Variants in MCUB observed in about 807,000 individuals in gnomAD.
MCUB encodes the protein mitochondrial calcium uniporter dominant negative subunit beta.
Under a neutral mutation model 41.4 loss-of-function variants are expected in MCUB, and 46 were observed. The observed-to-expected ratio is 1.11, with a 90% CI of 0.88 to 1.42. The LOEUF (loss-of-function observed/expected upper bound fraction) is 1.42. MCUB is among the 40% of genes most tolerant of loss of function. MCUB has a pLI of 0.00. For synonymous variants in MCUB, 148 were observed against 148.2 expected (o/e 1.00, Z 0.01); for missense variants, 403 against 404.9 (o/e 1.00, Z 0.04).
chr4:109,578,493 CTT>C (rs113130648), intron 1 of MCUB, among the ~76,000 whole-genome samples: 2 of 145,160 alleles, frequency 1.4e-5, no homozygotes, highest in Non-Finnish European at 1.5e-5. Context: ...GAATCTCATA[CTT>C]TTTTTTTTTT....
intron 1 of MCUB, among the ~76,000 whole-genome samples, chr4:109,566,476 AAAAAAAT>A (rs1465735219): frequency 1.3e-5 from 2 of 149,164 alleles, no homozygotes; most frequent in Non-Finnish European, 3.0e-5. Flanking sequence ...TCTCAAAAAA[AAAAAAAT>A]AAATAAATAA....
At chr4:109,675,324 G>A (rs1027203432) in intron 4 of MCUB, among the ~76,000 whole-genome samples, 2 of 152,136 alleles carry the variant, frequency 1.3e-5, no homozygotes, top group South Asian at 2.1e-4. Flanking sequence ...CAGGTTCCTC[G>A]GAACCCTCTT....
At chr4:109,682,503 A>C in intron 4 of MCUB, 79 bp from the exon 5 acceptor site, 4 of 1,136,738 alleles carry the variant, frequency 3.5e-6, no homozygotes, top group Non-Finnish European at 5.1e-6. Context: ...ATTTGGAAAG[A>C]GAATTGGGGA....
intron 1 of MCUB, among the ~76,000 whole-genome samples, chr4:109,635,296 A>T (rs1164358421): frequency 1.3e-5 from 2 of 152,180 alleles, no homozygotes; most frequent in Non-Finnish European, 2.9e-5. Flanking sequence ...AGAATGATTT[A>T]TAATCCTTTG....
chr4:109,639,574 C>A (rs184424267), intron 1 of MCUB, among the ~76,000 whole-genome samples: 11 of 152,232 alleles, frequency 7.2e-5, no homozygotes, highest in Admixed American at 4.6e-4. Context: ...TGTAATCCAG[C>A]TACTCAGGAG....
intron 1 of MCUB, among the ~76,000 whole-genome samples, chr4:109,646,001 C>T (rs1317947465): frequency 6.6e-6 from 1 of 152,092 alleles, no homozygotes; most frequent in Non-Finnish European, 1.5e-5. Context: ...AAGAAAGTCG[C>T]AAACCCTCCA....
intron 1 of MCUB, among the ~76,000 whole-genome samples, chr4:109,632,774 C>G (rs1331535517): frequency 6.6e-6 from 1 of 152,116 alleles, no homozygotes; most frequent in East Asian, 1.9e-4. Context: ...ACCACCATGC[C>G]TGGCTTATTT....
intron 4 of MCUB, among the ~76,000 whole-genome samples, chr4:109,678,089 C>T (rs1440765947): frequency 6.6e-6 from 1 of 151,858 alleles, no homozygotes; most frequent in African/African-American, 2.4e-5. Context: ...ATCCATTTAA[C>T]CCTGAGTTGA....
In MCUB at chr4:109,655,627, TCTTTTG is replaced by T. The variant is rs1432269194; in HGVS notation, c.100-3382_100-3377del. On this transcript the variant is annotated intron_variant, in intron 1 of 7. Coordinates refer to ENST00000394650, the MANE Select transcript of MCUB (RefSeq NM_017918.5). ...CATGGTTAAAGAGAAGCCCAAATCA[TCTTTTG>T]CCCTGATAGCAAATTCCATTTAAAG... Among the ~76,000 whole-genome samples the T allele has an allele frequency of 2.0e-5, 3 of 152,242 alleles. No homozygotes were observed. In the South Asian group the frequency reaches 6.2e-4, roughly 32 times the overall value.
intron 1 of MCUB, among the ~76,000 whole-genome samples, chr4:109,626,962 C>T (rs1237125622): frequency 6.6e-6 from 1 of 151,434 alleles, no homozygotes; most frequent in Non-Finnish European, 1.5e-5. Context: ...TAGGACAAAA[C>T]AAATTTTATT....
chr4:109,624,843 G>A (rs1395657648), intron 1 of MCUB, among the ~76,000 whole-genome samples: 1 of 152,112 alleles, frequency 6.6e-6, no homozygotes, highest in African/African-American at 2.4e-5. Flanking sequence ...AAACTGTATA[G>A]TCCAAACCTG....
At chr4:109,653,501 C>T (rs1729010289) in intron 1 of MCUB, among the ~76,000 whole-genome samples, 1 of 152,094 alleles carries the variant, frequency 6.6e-6, no homozygotes, top group South Asian at 2.1e-4. Context: ...TATGTCTTTC[C>T]GTGTTGCACC....
chr4:109,662,435 G>C (rs1219911064), intron 3 of MCUB, among the ~76,000 whole-genome samples: 3 of 152,216 alleles, frequency 2.0e-5, no homozygotes, highest in Non-Finnish European at 1.5e-5. Flanking sequence ...AATGAAATAA[G>C]AGAGGTTAAA....
At position 109,569,535 on chromosome 4, in the gene MCUB, A is replaced by T. The variant is rs569678931; in HGVS notation, c.99+9099A>T. Among the ~76,000 whole-genome samples the T allele has an allele frequency of 1.2e-4, 12 of 97,314 alleles. No individual in the cohort carries two copies. The East Asian group carries it at 3.2e-3, about 26-fold the overall frequency. 63.8% of individuals were successfully genotyped at this position (97,314 alleles called of 152,430 possible). On this transcript the variant is annotated intron_variant, in intron 1 of 7. Coordinates refer to ENST00000394650, the MANE Select transcript of MCUB (RefSeq NM_017918.5). The stretch of plus-strand genomic sequence containing the variant: ...TTTTTTTTTTTTGAGATGGAGTCTC[A>T]CTCTGTTGCCCAGGCTGGAGTGCAG...
chr4:109,569,081 C>T (rs1022000927), intron 1 of MCUB, among the ~76,000 whole-genome samples: 1 of 152,138 alleles, frequency 6.6e-6, no homozygotes, highest in African/African-American at 2.4e-5. Flanking sequence ...GAGTCTGGCT[C>T]TGTCACCCAG....
chr4:109,567,743 G>C (rs1224381398), intron 1 of MCUB, among the ~76,000 whole-genome samples: 1 of 151,400 alleles, frequency 6.6e-6, no homozygotes, highest in Non-Finnish European at 1.5e-5. Flanking sequence ...CTGTCACCCA[G>C]GCTGTAGTGC....
At chr4:109,684,677 A>C (rs1035368886) in intron 6 of MCUB, 31 bp downstream of exon 6, 1 of 1,041,188 alleles carries the variant, frequency 9.6e-7, no homozygotes, top group Non-Finnish European at 1.5e-6. Context: ...ATGGTAAGTT[A>C]GAACATCTTT....
intron 1 of MCUB, among the ~76,000 whole-genome samples, chr4:109,635,290 T>C (rs1353722421): frequency 2.0e-5 from 3 of 152,200 alleles, no homozygotes; most frequent in Admixed American, 2.0e-4. Flanking sequence ...TATAGTAGAA[T>C]GATTTATAAT....
chr4:109,569,532 C>G (rs1398212907), intron 1 of MCUB, among the ~76,000 whole-genome samples: 1 of 107,592 alleles, frequency 9.3e-6, no homozygotes, highest in Admixed American at 1.4e-4. Flanking sequence ...GAGATGGAGT[C>G]TCACTCTGTT....
Sources: gnomAD v4.1 joint callset for allele counts (sites outside exome capture counted in the v4.1 genomes callset) on GRCh38, gnomAD v4.1.1 for gene constraint, MANE v1.5 for transcripts, NCBI Gene and HGNC (gene_info 2026-07-23, HGNC 2026-07-21) for gene names.